DCN: variants seen among roughly 807,000 people sequenced by gnomAD.
DCN encodes the protein decorin, also known as bone proteoglycan II.
DCN carries 17 observed loss-of-function variants against 36.5 expected under a neutral mutation model. That is an observed-to-expected ratio of 0.47 (90% CI 0.32 to 0.70). The LOEUF (loss-of-function observed/expected upper bound fraction) is 0.70, where lower values mean the gene tolerates loss of function less well. Among genes scored for constraint, DCN ranks in the 30% least tolerant of loss-of-function variants. DCN has a pLI of 0.04. For synonymous variants in DCN, 163 were observed against 161.4 expected (o/e 1.01, Z -0.07); for missense variants, 389 against 430.1 (o/e 0.90, Z 0.84).
chr12:91,152,946 G>A, intron 6 of DCN, 150 bp downstream of exon 6: 3 of 623,234 alleles, frequency 4.8e-6, no homozygotes, highest in Non-Finnish European at 8.7e-6. Flanking sequence ...GAAATAATTG[G>A]ATATGCTGAA....
intron 3 of DCN, among the ~76,000 whole-genome samples, chr12:91,161,373 A>C (rs1337304044): frequency 6.6e-6 from 1 of 152,242 alleles, no homozygotes; most frequent in Non-Finnish European, 1.5e-5. Flanking sequence ...TGACAGTAAG[A>C]ATGTTTCATC....
At chr12:91,169,378 CAAAAAAAAAAA>C (rs58056993) in intron 2 of DCN, among the ~76,000 whole-genome samples, 1 of 73,384 alleles carries the variant, frequency 1.4e-5, no homozygotes, top group African/African-American at 5.5e-5. Context: ...GAGATCCTGT[CAAAAAAAAAAA>C]AAAAAAAAAA....
At chr12:91,181,386 C>T (rs1012042209) in intron 1 of DCN, among the ~76,000 whole-genome samples, 1 of 152,004 alleles carries the variant, frequency 6.6e-6, no homozygotes, top group African/African-American at 2.4e-5. Context: ...TCGTCATTTC[C>T]TTCTTTCCTT....
Position 91,145,902 on chromosome 12 carries a change from T to C in DCN, c.*156A>G, listed in dbSNP as rs1880978715. On this transcript the variant is annotated 3_prime_UTR_variant, in exon 8 of 8. Transcript: ENST00000052754. ...CAAAATTTCTTTTTATTGTAGGCAA[T>C]TACTTAAACTGGAAATTTGGCTTTA... The C allele has an allele frequency of 3.1e-6, 2 of 646,080 alleles. No individual in the cohort carries two copies. Among genetic ancestry groups the C allele is most frequent in the African/African-American group, 1.8e-5 (1 of 54,576 alleles). 40.0% of individuals were successfully genotyped at this position (646,080 alleles called of 1,614,324 possible). A position where few individuals can be genotyped will look rare whatever the true frequency, so the allele number is the denominator to read the frequency against.
chr12:91,181,776 T>A (rs1472096041), intron 1 of DCN, among the ~76,000 whole-genome samples: 1 of 151,924 alleles, frequency 6.6e-6, no homozygotes, highest in Admixed American at 6.6e-5. Context: ...CCTACAGCAC[T>A]AGATGATTAA....
At chr12:91,149,536 T>A (rs1029079186) in intron 7 of DCN, among the ~76,000 whole-genome samples, 3 of 152,052 alleles carry the variant, frequency 2.0e-5, no homozygotes, top group African/African-American at 7.2e-5. Context: ...AACTAGCAAA[T>A]AAGGCAAAGA....
At chr12:91,172,892 T>C (rs1883063850) in intron 2 of DCN, 1 of 604,734 alleles carries the variant, frequency 1.7e-6, no homozygotes, top group Non-Finnish European at 2.9e-6. Context: ...ATAAAATAGA[T>C]ATATAAAAAG....
At chr12:91,158,939 G>C (rs1222708855) in intron 3 of DCN, among the ~76,000 whole-genome samples, 4 of 151,758 alleles carry the variant, frequency 2.6e-5, no homozygotes, top group East Asian at 3.9e-4. Flanking sequence ...TCCAGCCTTG[G>C]TGACTGGGAA....
intron 2 of DCN, chr12:91,177,452 A>ATT: frequency 1.6e-6 from 1 of 635,346 alleles, no homozygotes; most frequent in South Asian, 1.8e-5. Context: ...TGATATAAAG[A>ATT]TTTTTTTTTC....
intron 5 of DCN, among the ~76,000 whole-genome samples, chr12:91,153,523 C>T (rs758899609): frequency 6.6e-6 from 1 of 151,884 alleles, no homozygotes; most frequent in Non-Finnish European, 1.5e-5. Flanking sequence ...CTAAAACTGA[C>T]GTTGATAAAA....
intron 2 of DCN, among the ~76,000 whole-genome samples, chr12:91,170,460 G>T (rs922884893): frequency 6.6e-6 from 1 of 152,094 alleles, no homozygotes; most frequent in African/African-American, 2.4e-5. Context: ...ATTCATCATT[G>T]TTCCCATGAA....
chr12:91,172,693 G>A, intron 2 of DCN: 1 of 681,842 alleles, frequency 1.5e-6, no homozygotes, highest in Non-Finnish European at 2.7e-6. Context: ...TTTGCAGCTT[G>A]CTAGAGTCAA....
rs780518731 is a variant in DCN, at chr12:91,146,095, T to C, written c.1043A>G (p.Tyr348Cys). Residue 348 changes from tyrosine (Y) to cysteine (C), a missense_variant, in exon 8 of 8, where the codon TAC becomes TGC. Transcript: ENST00000052754. ...TCCGAGTTGAATGGCAGAGCGCACG[T>C]AGACACATCTGAAGGTGGATGGCTG... ...EIQPSTFRCV[Y>C]VRSAIQLGNY... 4 of 1,613,916 alleles carry C rather than the reference T, an allele frequency of 2.5e-6. No homozygotes were observed. In the South Asian group the frequency reaches 4.4e-5, roughly 18 times the overall value.
rs754304489 is a variant in DCN, at chr12:91,146,208, A to G, written c.930T>C (p.Ser310=). ...HNNNISVVGS[S]DFCPPGHNTK... Reference sequence around the variant, plus strand: ...TGTTGTGTCCAGGTGGGCAGAAGTCACTTGATCCAACTACAGAGATATTGT... The same window carrying G: ...TGTTGTGTCCAGGTGGGCAGAAGTCGCTTGATCCAACTACAGAGATATTGT... Residue 310 remains serine, a synonymous_variant, in exon 8 of 8, where the codon AGT becomes AGC. Transcript: ENST00000052754. The G allele has an allele frequency of 1.7e-5, 28 of 1,612,984 alleles. No homozygotes were observed. Among genetic ancestry groups the G allele is most frequent in the Non-Finnish European group, 2.4e-5 (28 of 1,179,228 alleles).
Position 91,142,476 on chromosome 12 carries a change from T to C in DCN, c.*3582A>G, listed in dbSNP as rs576567220. Reference sequence around the variant, plus strand: ...AAACCAGTTTCTTGGAAAAGCATTATGGAGAACGGTAAAGGAATATAAAAA... The same window carrying C: ...AAACCAGTTTCTTGGAAAAGCATTACGGAGAACGGTAAAGGAATATAAAAA... On this transcript the variant is annotated 3_prime_UTR_variant, in exon 8 of 8. Transcript: ENST00000052754. The C allele has an allele frequency of 6.6e-6, 1 of 152,306 alleles. No homozygotes were observed. Among genetic ancestry groups the C allele is most frequent in the East Asian group, 1.9e-4 (1 of 5,186 alleles). 9.4% of individuals were successfully genotyped at this position (152,306 alleles called of 1,614,324 possible). A position where few individuals can be genotyped will look rare whatever the true frequency, so the allele number is the denominator to read the frequency against.
chr12:91,158,823 G>A (rs574902955), intron 3 of DCN, among the ~76,000 whole-genome samples: 107 of 152,166 alleles, frequency 7.0e-4, no homozygotes, highest in Non-Finnish European at 1.3e-3. Context: ...TTAGCTGGGC[G>A]TGGTGGTGGG....
chr12:91,176,073 A>G lies in DCN; in HGVS notation c.211+2269T>C, dbSNP rs533134860. 5 of 152,268 alleles carry G rather than the reference A, an allele frequency of 3.3e-5. No homozygotes were observed. In the South Asian group the frequency reaches 8.3e-4, roughly 25 times the overall value. 9.4% of individuals were successfully genotyped at this position (152,268 alleles called of 1,614,324 possible). A position where few individuals can be genotyped will look rare whatever the true frequency, so the allele number is the denominator to read the frequency against. On this transcript the variant is annotated intron_variant, in intron 2 of 7. Transcript: ENST00000052754. Reference sequence around the variant, plus strand: ...AGTAAGGAAGAGTTAGATAATAGTTAAAAACATGAAATGAGTTCATTTGTT... The same window carrying G: ...AGTAAGGAAGAGTTAGATAATAGTTGAAAACATGAAATGAGTTCATTTGTT...
chr12:91,166,865 A>G (rs1341991485), intron 2 of DCN, among the ~76,000 whole-genome samples: 1 of 152,120 alleles, frequency 6.6e-6, no homozygotes, highest in East Asian at 1.9e-4. Context: ...TAGTTCTACA[A>G]CCTGCTCTGA....
intron 3 of DCN, among the ~76,000 whole-genome samples, chr12:91,163,511 G>C (rs1882297933): frequency 6.6e-6 from 1 of 152,154 alleles, no homozygotes; most frequent in Admixed American, 6.5e-5. Context: ...GTGGGACTGG[G>C]TGCTTCACAG....
Sources: gnomAD v4.1 joint callset for allele counts (sites outside exome capture counted in the v4.1 genomes callset) on GRCh38, gnomAD v4.1.1 for gene constraint, MANE v1.5 for transcripts, NCBI Gene and HGNC (gene_info 2026-07-23, HGNC 2026-07-21) for gene names.